The following PLEKHA7 variants were observed in gnomAD, a reference collection of about 807,000 sequenced individuals.
The protein encoded by PLEKHA7 is pleckstrin homology domain containing A7.
A neutral mutation model predicts 170.0 loss-of-function variants in PLEKHA7; 104 were observed. The observed-to-expected ratio is 0.61, with a 90% CI of 0.52 to 0.72. PLEKHA7 has a LOEUF of 0.72. Among genes scored for constraint, PLEKHA7 ranks in the 30% least tolerant of loss-of-function variants. The pLI is 0.00. For synonymous variants in PLEKHA7, 648 were observed against 660.8 expected (o/e 0.98, Z 0.30); for missense variants, 1,615 against 1,671.7 (o/e 0.97, Z 0.59).
At chr11:16,886,543 T>C (rs542436013) in intron 3 of PLEKHA7, among the ~76,000 whole-genome samples, 2 of 152,198 alleles carry the variant, frequency 1.3e-5, no homozygotes, top group African/African-American at 4.8e-5. Context: ...AAACCCCATC[T>C]CTACTAAAAA....
At chr11:16,783,876 T>C in intron 24 of PLEKHA7, 43 bp from the exon 25 acceptor site, 2 of 1,384,158 alleles carry the variant, frequency 1.4e-6, no homozygotes, top group South Asian at 3.3e-5. Flanking sequence ...GGCTCAGATG[T>C]CTGGGTTTAG....
intron 12 of PLEKHA7, among the ~76,000 whole-genome samples, chr11:16,815,762 C>T (rs1849704385): frequency 6.6e-6 from 1 of 152,116 alleles, no homozygotes; most frequent in African/African-American, 2.4e-5. Context: ...ATGATCCACC[C>T]ACCTCGGCCT....
intron 3 of PLEKHA7, among the ~76,000 whole-genome samples, chr11:16,887,262 T>A (rs959120133): frequency 1.3e-5 from 2 of 151,672 alleles, no homozygotes; most frequent in Non-Finnish European, 2.9e-5. Flanking sequence ...GCATGGGCAA[T>A]ATGGCAAAAC....
chr11:16,791,258 T>C lies in PLEKHA7; in HGVS notation c.2746-59A>G. On this transcript the variant is annotated intron_variant, in intron 19 of 26. Coordinates refer to ENST00000531066, the MANE Select transcript of PLEKHA7 (RefSeq NM_001329630.2). This position sits in a 1 kb window ranked among gnomAD's most constrained non-coding sequence, Gnocchi z 4.5. ...GAGACGGAGCTGGAGGGAGGACTGC[T>C]AGGTACTGCCACAGTGGAGGTTTAA... 2 of 1,466,610 alleles carry C rather than the reference T, an allele frequency of 1.4e-6. No individual in the cohort carries two copies. Among genetic ancestry groups the C allele is most frequent in the Non-Finnish European group, 1.8e-6 (2 of 1,087,164 alleles). 90.8% of individuals were successfully genotyped at this position (1,466,610 alleles called of 1,614,324 possible). A position where few individuals can be genotyped will look rare whatever the true frequency, so the allele number is the denominator to read the frequency against.
chr11:16,859,430 T>C (rs1565028474), intron 4 of PLEKHA7, among the ~76,000 whole-genome samples: 1 of 152,164 alleles, frequency 6.6e-6, no homozygotes, highest in Non-Finnish European at 1.5e-5. Context: ...ATGAAAAAAG[T>C]CTCAAAAACA....
intron 3 of PLEKHA7, among the ~76,000 whole-genome samples, chr11:16,905,769 C>T (rs1857618142): frequency 1.3e-5 from 2 of 152,232 alleles, no homozygotes; most frequent in African/African-American, 4.8e-5. Flanking sequence ...ATGGATTAGG[C>T]GCTGAGTAAT....
intron 3 of PLEKHA7, among the ~76,000 whole-genome samples, chr11:16,988,736 G>A (rs989409155): frequency 8.5e-5 from 13 of 152,196 alleles, no homozygotes; most frequent in Non-Finnish European, 1.5e-4. Context: ...ATGAGCCACC[G>A]CATCCAGCCC....
intron 3 of PLEKHA7, among the ~76,000 whole-genome samples, chr11:16,978,756 G>A (rs912433189): frequency 9.9e-5 from 15 of 152,206 alleles, no homozygotes; most frequent in Non-Finnish European, 2.2e-4. Flanking sequence ...TCACCATAGT[G>A]ATGGAACTGC....
chr11:17,008,351 T>C (rs748965726), intron 3 of PLEKHA7, among the ~76,000 whole-genome samples: 1 of 152,190 alleles, frequency 6.6e-6, no homozygotes, highest in Non-Finnish European at 1.5e-5. Context: ...CAGTCCCAGA[T>C]GCAGAGCAAT....
chr11:16,946,064 T>G (rs978501875), intron 3 of PLEKHA7, among the ~76,000 whole-genome samples: 2 of 152,176 alleles, frequency 1.3e-5, no homozygotes, highest in Non-Finnish European at 2.9e-5. Context: ...CCTCACTTAG[T>G]GGGAAGCCAC....
chr11:16,827,564 G>A (rs1339024344), intron 9 of PLEKHA7, among the ~76,000 whole-genome samples: 1 of 152,142 alleles, frequency 6.6e-6, no homozygotes, highest in East Asian at 1.9e-4. Context: ...GGCTACAGGA[G>A]GAGCTTTGGT....
intron 3 of PLEKHA7, among the ~76,000 whole-genome samples, chr11:16,911,190 T>A (rs1477286642): frequency 6.6e-6 from 1 of 152,206 alleles, no homozygotes; most frequent in African/African-American, 2.4e-5. Flanking sequence ...CTAAGCAGGA[T>A]TTGCCAGTTT....
chr11:17,013,882 C>T, intron 3 of PLEKHA7, 107 bp downstream of exon 3: 3 of 1,271,774 alleles, frequency 2.4e-6, no homozygotes, highest in Non-Finnish European at 3.1e-6. Flanking sequence ...CGCGCGCCAA[C>T]GAGCCCGGGC....
At chr11:16,971,343 G>A (rs1354064434) in intron 3 of PLEKHA7, among the ~76,000 whole-genome samples, 1 of 152,198 alleles carries the variant, frequency 6.6e-6, no homozygotes, top group Admixed American at 6.5e-5. Flanking sequence ...CATTTCCTTA[G>A]TTAATATTTC....
chr11:16,826,011 A>G (rs400458), intron 10 of PLEKHA7, 109 bp downstream of exon 10: 142,444 of 1,089,880 alleles, frequency 0.13, 10,736 homozygotes, highest in African/African-American at 0.27. Flanking sequence ...AGGTAATGGC[A>G]GTAAAGAGTT....
At chr11:16,780,085 C>T (rs1045584282) in intron 26 of PLEKHA7, among the ~76,000 whole-genome samples, 7 of 152,014 alleles carry the variant, frequency 4.6e-5, no homozygotes, top group Admixed American at 3.9e-4. Context: ...CACAAGTATA[C>T]GTAAAGGAAG....
chr11:16,906,150 C>T (rs188645393), intron 3 of PLEKHA7, among the ~76,000 whole-genome samples: 102 of 150,978 alleles, frequency 6.8e-4, no homozygotes, highest in African/African-American at 2.4e-3. Context: ...ATTCAAAGTC[C>T]TAATCCCAGA....
intron 3 of PLEKHA7, among the ~76,000 whole-genome samples, chr11:16,910,883 G>C (rs1858200045): frequency 1.3e-5 from 2 of 152,228 alleles, no homozygotes; most frequent in Non-Finnish European, 2.9e-5. Context: ...ACTTGGCTTT[G>C]AGTTCTTCCA....
intron 3 of PLEKHA7, among the ~76,000 whole-genome samples, chr11:16,954,126 C>T (rs1398400918): frequency 6.6e-6 from 1 of 152,070 alleles, no homozygotes; most frequent in East Asian, 1.9e-4. Flanking sequence ...GGTTTCTGGC[C>T]TTACATATTT....
Sources: allele counts gnomAD v4.1 joint callset (sites outside exome capture counted in the v4.1 genomes callset), GRCh38; gene constraint gnomAD v4.1.1; non-coding constraint Gnocchi (gnomAD v3.1); transcripts MANE v1.5; gene names NCBI Gene and HGNC (gene_info 2026-07-23, HGNC 2026-07-21).